The following CA10 variants were observed in gnomAD, a reference collection of about 807,000 sequenced individuals.
CA10 encodes the protein carbonic anhydrase-related protein 10.
In CA10, 14 loss-of-function variants were observed where a neutral mutation model predicts 44.2. The ratio of observed to expected loss-of-function variants is 0.32; its 90% confidence interval spans 0.21 to 0.50. The LOEUF is 0.50. Ranked by LOEUF, CA10 falls within the 20% of genes least tolerant of loss-of-function variation. CA10 has a pLI of 0.99. For missense variants in CA10, 350 were observed against 409.7 expected, an observed-to-expected ratio of 0.85 and a Z score of 1.26; for synonymous variants, 159 against 141.6, an observed-to-expected ratio of 1.12 and a Z score of -0.87.
At chr17:52,092,092 TG>T (rs1273425814) in intron 1 of CA10, among the ~76,000 whole-genome samples, 2 of 152,186 alleles carry the variant, frequency 1.3e-5, no homozygotes, top group Non-Finnish European at 2.9e-5. Context: ...TCTCTGTATT[TG>T]TCCCTGTCTC....
chr17:51,709,282 A>G (rs970754765), intron 4 of CA10, among the ~76,000 whole-genome samples: 2 of 152,248 alleles, frequency 1.3e-5, no homozygotes, highest in African/African-American at 4.8e-5. Context: ...AAGACAATAA[A>G]TAAAAAATAG....
intron 1 of CA10, among the ~76,000 whole-genome samples, chr17:52,085,254 A>G (rs940271595): frequency 2.0e-5 from 3 of 152,168 alleles, no homozygotes; most frequent in Non-Finnish European, 4.4e-5. Context: ...AAAGGCCCTC[A>G]GTGATTACTT....
chr17:51,890,419 A>G (rs950103090), intron 3 of CA10, among the ~76,000 whole-genome samples: 1 of 152,050 alleles, frequency 6.6e-6, no homozygotes, highest in African/African-American at 2.4e-5. Flanking sequence ...AAAATACCAA[A>G]CCCATAATTT....
At chr17:51,979,650 T>C (rs1984584551) in intron 2 of CA10, among the ~76,000 whole-genome samples, 1 of 152,182 alleles carries the variant, frequency 6.6e-6, no homozygotes, top group Admixed American at 6.6e-5. Context: ...ATAAATCATC[T>C]ATGTCTAGAA....
At chr17:51,974,181 C>T (rs750981060) in intron 2 of CA10, among the ~76,000 whole-genome samples, 5 of 151,734 alleles carry the variant, frequency 3.3e-5, no homozygotes, top group African/African-American at 9.7e-5. Flanking sequence ...GTCAGGAGAT[C>T]GAGACCATCC....
At chr17:51,931,211 A>G in intron 2 of CA10, 79 bp from the exon 3 acceptor site, 1 of 1,392,962 alleles carries the variant, frequency 7.2e-7, no homozygotes. Context: ...GCTATGTACA[A>G]ACGTGGTAAA....
At chr17:51,938,800 T>G (rs559095458) in intron 2 of CA10, among the ~76,000 whole-genome samples, 56 of 152,192 alleles carry the variant, frequency 3.7e-4, no homozygotes, top group African/African-American at 1.2e-3. Flanking sequence ...ACTTGACACA[T>G]CTTATCTTGC....
chr17:51,944,357 C>A (rs1983194819), intron 2 of CA10, among the ~76,000 whole-genome samples: 2 of 152,112 alleles, frequency 1.3e-5, no homozygotes, highest in South Asian at 4.1e-4. Context: ...GCACTGCCAG[C>A]AACCAGACCC....
At chr17:51,642,001 T>A (rs1913110056) in intron 6 of CA10, among the ~76,000 whole-genome samples, 1 of 152,220 alleles carries the variant, frequency 6.6e-6, no homozygotes, top group Non-Finnish European at 1.5e-5. Flanking sequence ...AATTTTCTCA[T>A]ATAGAATGAC....
chr17:52,038,862 G>C (rs566068675), intron 2 of CA10, among the ~76,000 whole-genome samples: 10 of 152,016 alleles, frequency 6.6e-5, no homozygotes, highest in Admixed American at 3.3e-4. Flanking sequence ...ATTAAGACTT[G>C]GTGTTTCTCT....
At chr17:51,700,776 A>C (rs78601697) in intron 4 of CA10, among the ~76,000 whole-genome samples, 2 of 152,146 alleles carry the variant, frequency 1.3e-5, no homozygotes, top group Non-Finnish European at 2.9e-5. Flanking sequence ...AGGGACATAG[A>C]TGGAGCTGGA....
At chr17:52,026,884 G>A (rs1986319779) in intron 2 of CA10, among the ~76,000 whole-genome samples, 1 of 152,088 alleles carries the variant, frequency 6.6e-6, no homozygotes, top group Non-Finnish European at 1.5e-5. Context: ...TCTGGCACGA[G>A]GAACCAGTTT....
rs190155996 is a variant in CA10, at chr17:51,696,628, T to C, written c.466-42892A>G. On this transcript the variant is annotated intron_variant, in intron 4 of 8. Coordinates refer to ENST00000451037, the MANE Select transcript of CA10 (RefSeq NM_020178.5). ...GTTATTTCTTCTCTTTTGCTAGCTT[T>C]GAGGTTAGTTCGTTCTTGTTTTTCT... Among the ~76,000 whole-genome samples the C allele has an allele frequency of 4.9e-3, 750 of 152,314 alleles. 9 individuals carry two copies. Among genetic ancestry groups the C allele is most frequent in the African/African-American group, 0.017 (712 of 41,562 alleles).
In CA10 at chr17:51,955,401, G is replaced by T. The variant is rs113268257; in HGVS notation, c.137-24269C>A. Among the ~76,000 whole-genome samples, 198 of 152,156 alleles carry T rather than the reference G, an allele frequency of 1.3e-3. 1 individual carries two copies. Among genetic ancestry groups the T allele is most frequent in the South Asian group, 2.3e-3 (11 of 4,822 alleles). ...AGCATAGCAAGCCAGGTGCTTTTTG[G>T]AAATTCAGCTTCCACTCCAGCTTCA... On this transcript the variant is annotated intron_variant, in intron 2 of 8. Transcript: ENST00000451037.
At chr17:51,822,487 C>T (rs1907852233) in intron 3 of CA10, among the ~76,000 whole-genome samples, 1 of 152,162 alleles carries the variant, frequency 6.6e-6, no homozygotes, top group African/African-American at 2.4e-5. Context: ...CTTGACCACA[C>T]TCACTCATTA....
intron 3 of CA10, among the ~76,000 whole-genome samples, chr17:51,784,766 T>A (rs890483232): frequency 2.0e-5 from 3 of 152,258 alleles, no homozygotes; most frequent in African/African-American, 7.2e-5. Flanking sequence ...GCACTTATCT[T>A]TTGTGTTACA....
At chr17:52,098,308 T>C (rs749699620) in intron 1 of CA10, among the ~76,000 whole-genome samples, 29 of 152,208 alleles carry the variant, frequency 1.9e-4, no homozygotes, top group Non-Finnish European at 3.1e-4. Flanking sequence ...TCTACATTTT[T>C]TGAAAAAATT....
At chr17:51,783,667 G>A (rs1906143615) in intron 3 of CA10, among the ~76,000 whole-genome samples, 2 of 152,222 alleles carry the variant, frequency 1.3e-5, no homozygotes, top group South Asian at 2.1e-4. Context: ...AGAAAAGGCA[G>A]TGAGGTGAGG....
At chr17:52,125,366 C>T (rs139962909) in intron 1 of CA10, among the ~76,000 whole-genome samples, 28 of 152,274 alleles carry the variant, frequency 1.8e-4, no homozygotes, top group African/African-American at 5.8e-4. Context: ...GCTGAGGTCA[C>T]GGTGACCAGC....
Sources: gnomAD v4.1 joint callset for allele counts (sites outside exome capture counted in the v4.1 genomes callset) on GRCh38, gnomAD v4.1.1 for gene constraint, MANE v1.5 for transcripts, NCBI Gene and HGNC (gene_info 2026-07-23, HGNC 2026-07-21) for gene names.